NRXN3: variants seen among roughly 807,000 people sequenced by gnomAD.
The protein encoded by NRXN3 is neurexin 3.
NRXN3 carries 32 observed loss-of-function variants against 137.6 expected under a neutral mutation model. That is an observed-to-expected ratio of 0.23 (90% CI 0.18 to 0.31). The LOEUF is 0.31. NRXN3 is among the 10% of genes least tolerant of loss of function. The pLI is 1.00. For missense variants in NRXN3, 1,574 were observed against 2,062.5 expected, an observed-to-expected ratio of 0.76 and a Z score of 4.59; for synonymous variants, 798 against 784.5, an observed-to-expected ratio of 1.02 and a Z score of -0.29.
chr14:79,594,172 G>C (rs2097839963), intron 16 of NRXN3, among the ~76,000 whole-genome samples: 1 of 152,150 alleles, frequency 6.6e-6, no homozygotes, highest in Non-Finnish European at 1.5e-5. Context: ...ATCCTTCTAA[G>C]CATGAAAGTT....
chr14:78,437,598 C>G (rs535766135), intron 4 of NRXN3, among the ~76,000 whole-genome samples: 3 of 152,298 alleles, frequency 2.0e-5, no homozygotes, highest in Admixed American at 6.5e-5. Flanking sequence ...ATCCACCTGC[C>G]TTGGCCTCTC....
intron 10 of NRXN3, among the ~76,000 whole-genome samples, chr14:78,813,177 A>C (rs1306702876): frequency 6.6e-6 from 1 of 152,232 alleles, no homozygotes; most frequent in East Asian, 1.9e-4. Context: ...TTTTATTGTG[A>C]ATCTTCTCTA....
chr14:78,944,559 G>A (rs2099361541), intron 10 of NRXN3, among the ~76,000 whole-genome samples: 1 of 152,178 alleles, frequency 6.6e-6, no homozygotes, highest in African/African-American at 2.4e-5. Context: ...CTATGATGGT[G>A]TCCTCATCAG....
At chr14:78,194,942 A>G (rs562877629) in intron 1 of NRXN3, among the ~76,000 whole-genome samples, 1 of 152,230 alleles carries the variant, frequency 6.6e-6, no homozygotes, top group South Asian at 2.1e-4. Context: ...GGCTCAATTG[A>G]TGACCTGTCT....
chr14:79,468,665 C>T (rs1008851102), intron 16 of NRXN3, among the ~76,000 whole-genome samples: 2 of 152,300 alleles, frequency 1.3e-5, no homozygotes, highest in Non-Finnish European at 2.9e-5. Context: ...ACAAGCCCAG[C>T]TCCCACAGCA....
chr14:79,475,863 T>C (rs2153630454), intron 16 of NRXN3, among the ~76,000 whole-genome samples: 1 of 152,238 alleles, frequency 6.6e-6, no homozygotes, highest in African/African-American at 2.4e-5. Flanking sequence ...GTGGCACATA[T>C]ACTGGGTTAT....
chr14:79,524,507 A>G (rs2097100260), intron 16 of NRXN3, among the ~76,000 whole-genome samples: 1 of 152,220 alleles, frequency 6.6e-6, no homozygotes, highest in Non-Finnish European at 1.5e-5. Flanking sequence ...ATCGACAATA[A>G]AGAAATCAAA....
chr14:78,614,880 TG>T (rs1294785204), intron 4 of NRXN3: 1 of 452,356 alleles, frequency 2.2e-6, no homozygotes, highest in Admixed American at 2.4e-5. Flanking sequence ...ATAGACTAGC[TG>T]GGGGCTCAGC....
chr14:78,279,150 T>G (rs1019145154), intron 3 of NRXN3, among the ~76,000 whole-genome samples: 1 of 152,230 alleles, frequency 6.6e-6, no homozygotes, highest in Non-Finnish European at 1.5e-5. Context: ...CCAGCAATAT[T>G]TATTGTTTTT....
intron 15 of NRXN3, among the ~76,000 whole-genome samples, chr14:79,425,796 C>T (rs557074661): frequency 3.3e-5 from 5 of 152,258 alleles, no homozygotes; most frequent in East Asian, 1.9e-4. Flanking sequence ...GATAGAAACA[C>T]GGTCTGTCCA....
rs138360304 is a variant in NRXN3, at chr14:78,507,618, G to A, written c.758-137502G>A. Among the ~76,000 whole-genome samples, 330 of 152,256 alleles carry A rather than the reference G, an allele frequency of 2.2e-3. 2 individuals carry two copies. Among genetic ancestry groups the A allele is most frequent in the African/African-American group, 7.3e-3 (305 of 41,562 alleles). The stretch of plus-strand genomic sequence containing the variant: ...AAAATCACCCTTCCACGTCCTTAAA[G>A]TCCACGTGCATAGTCTATCTAGATT... On this transcript the variant is annotated intron_variant, in intron 4 of 20. Coordinates refer to ENST00000335750, the MANE Select transcript of NRXN3 (RefSeq NM_001330195.2).
At chr14:79,098,649 C>CTATA (rs2050753455) in intron 15 of NRXN3, among the ~76,000 whole-genome samples, 1 of 152,160 alleles carries the variant, frequency 6.6e-6, no homozygotes, top group South Asian at 2.1e-4. Context: ...ACAAACAAAA[C>CTATA]TATAGAGTTT....
At chr14:79,459,328 A>G (rs1350961677) in intron 15 of NRXN3, among the ~76,000 whole-genome samples, 2 of 152,032 alleles carry the variant, frequency 1.3e-5, no homozygotes, top group Admixed American at 1.3e-4. Context: ...GGTGTAATTC[A>G]TCGGGAGTGG....
At chr14:78,382,629 C>G (rs2089319001) in intron 4 of NRXN3, among the ~76,000 whole-genome samples, 1 of 152,160 alleles carries the variant, frequency 6.6e-6, no homozygotes, top group Non-Finnish European at 1.5e-5. Context: ...TGTCCATATA[C>G]TAACAATAGT....
At chr14:79,097,196 G>A (rs771136994) in intron 15 of NRXN3, among the ~76,000 whole-genome samples, 4 of 152,106 alleles carry the variant, frequency 2.6e-5, no homozygotes, top group Non-Finnish European at 5.9e-5. Flanking sequence ...GATAGGTCTT[G>A]TAGAAATGAA....
chr14:78,589,670 G>C (rs1361843834), intron 4 of NRXN3, among the ~76,000 whole-genome samples: 4 of 152,164 alleles, frequency 2.6e-5, no homozygotes, highest in Admixed American at 2.0e-4. Context: ...GCATCTTGGG[G>C]GAAGGGAAAG....
intron 15 of NRXN3, among the ~76,000 whole-genome samples, chr14:79,088,865 C>T (rs1302724788): frequency 6.6e-6 from 1 of 152,116 alleles, no homozygotes; most frequent in Non-Finnish European, 1.5e-5. Flanking sequence ...TTAAAAGACA[C>T]TTTTTTCTAA....
chr14:78,297,381 T>C (rs1321945720), intron 3 of NRXN3, among the ~76,000 whole-genome samples: 1 of 152,240 alleles, frequency 6.6e-6, no homozygotes, highest in Non-Finnish European at 1.5e-5. Context: ...TTTGTTCTGA[T>C]GATTTTTCCC....
intron 15 of NRXN3, among the ~76,000 whole-genome samples, chr14:79,010,557 G>A (rs1434562817): frequency 6.6e-6 from 1 of 152,050 alleles, no homozygotes; most frequent in African/African-American, 2.4e-5. Context: ...CGATCCTAGT[G>A]GAATTCTATT....
Sources: allele counts gnomAD v4.1 joint callset (sites outside exome capture counted in the v4.1 genomes callset), GRCh38; gene constraint gnomAD v4.1.1; transcripts MANE v1.5; gene names NCBI Gene and HGNC (gene_info 2026-07-23, HGNC 2026-07-21).